Variants in THOC2 observed in about 807,000 individuals in gnomAD.
THOC2 encodes THO complex subunit 2.
THOC2 carries 10 observed loss-of-function variants against 128.4 expected under a neutral mutation model. The observed-to-expected ratio is 0.08, with a 90% confidence interval of 0.05 to 0.13. The LOEUF is 0.13. Among genes scored for constraint, THOC2 ranks in the 10% least tolerant of loss-of-function variants. THOC2 has a pLI of 1.00. For synonymous variants in THOC2, 393 were observed against 396.9 expected (o/e 0.99, Z 0.12); for missense variants, 535 against 1,155.7 (o/e 0.46, Z 7.79).
At chrX:123,673,649 T>C (rs1056103680) in intron 8 of THOC2, among the ~76,000 whole-genome samples, 1 of 111,933 alleles carries the variant, frequency 8.9e-6, no homozygotes, top group African/African-American at 3.2e-5. Context: ...CGGAATCATA[T>C]GGAATTCATG....
chrX:123,623,836 A>G lies in THOC2; in HGVS notation c.3454T>C (p.Cys1152Arg). ...GGCCTCTTCTCTTTTTCTTCTTGGCAGATTTTGTGTACTCTTCTTTCCAAA... is the reference window on the plus strand; with the variant it reads ...GGCCTCTTCTCTTTTTCTTCTTGGCGGATTTTGTGTACTCTTCTTTCCAAA... Reference protein sequence around the residue: ...QALERRVHKICQEEKEKRPDL... With the variant: ...QALERRVHKIRQEEKEKRPDL... The change falls in exon 28 of 39, where the codon TGC becomes CGC. Residue 1152 changes from cysteine to arginine, a missense_variant. By Grantham distance (180) the Cys-to-Arg change is radical. Transcript: ENST00000245838. 1 of 1,210,338 alleles carries G rather than the reference A, an allele frequency of 8.3e-7. No individual in the cohort carries two copies. The highest frequency in any genetic ancestry group is 1.1e-6 in the Non-Finnish European group (1 of 895,070).
At chrX:123,622,130 G>A (rs1458223112) in intron 30 of THOC2, among the ~76,000 whole-genome samples, 1 of 111,618 alleles carries the variant, frequency 9.0e-6, no homozygotes, top group Non-Finnish European at 1.9e-5. Flanking sequence ...CGGGCACGGT[G>A]GCTCACACCT....
At chrX:123,704,732 C>A (rs968779831) in intron 3 of THOC2, among the ~76,000 whole-genome samples, 1 of 111,226 alleles carries the variant, frequency 9.0e-6, no homozygotes, top group Non-Finnish European at 1.9e-5. Flanking sequence ...GTGGCATGCG[C>A]CTGTAATCCC....
intron 12 of THOC2, among the ~76,000 whole-genome samples, chrX:123,656,324 T>C (rs1256350082): frequency 1.7e-5 from 1 of 59,019 alleles, no homozygotes; most frequent in East Asian, 5.2e-4. Context: ...AGAGCGAGAC[T>C]CCGTCTAAAA....
At chrX:123,707,465 T>C (rs1467257700) in intron 2 of THOC2, among the ~76,000 whole-genome samples, 2 of 111,580 alleles carry the variant, frequency 1.8e-5, no homozygotes, top group East Asian at 5.6e-4. Flanking sequence ...GTGAGAGAAA[T>C]TTCTCCCCAA....
intron 8 of THOC2, among the ~76,000 whole-genome samples, chrX:123,675,391 A>T (rs1368817342): frequency 9.0e-6 from 1 of 111,543 alleles, no homozygotes; most frequent in Non-Finnish European, 1.9e-5. Flanking sequence ...CTGTAATCCC[A>T]GCACTCTGGG....
chrX:123,653,322 T>C (rs1164015534), intron 12 of THOC2, among the ~76,000 whole-genome samples: 1 of 111,759 alleles, frequency 8.9e-6, no homozygotes, highest in Non-Finnish European at 1.9e-5. Flanking sequence ...CGAAAAACCC[T>C]AGAAGAAAAT....
chrX:123,668,369 TA>T, intron 9 of THOC2, 55 bp from the exon 10 acceptor site: 1 of 836,768 alleles, frequency 1.2e-6, no homozygotes, highest in Non-Finnish European at 1.7e-6. Context: ...TACTTGTTCA[TA>T]TAAAAAGGAA....
rs770931064 is a variant in THOC2 at position 123,640,858 on chromosome X, C to T, written c.1662-236G>A. Among the ~76,000 whole-genome samples the T allele has an allele frequency of 2.7e-5, 3 of 111,910 alleles. No homozygotes were observed. The East Asian group carries it at 8.4e-4, about 31-fold the overall frequency. On this transcript the variant is annotated intron_variant, in intron 15 of 38. Transcript: ENST00000245838. ...TTAAATGCTTAACATTTATAAAATA[C>T]ACATTTCCACTTTATAGTAATAGTC...
chrX:123,674,976 C>T (rs981231876), intron 8 of THOC2, among the ~76,000 whole-genome samples: 30 of 111,117 alleles, frequency 2.7e-4, no homozygotes, highest in African/African-American at 9.2e-4. Flanking sequence ...GCACATGTAC[C>T]CCGAGTCTAA....
intron 22 of THOC2, among the ~76,000 whole-genome samples, chrX:123,629,641 C>A (rs1182923129): frequency 9.0e-6 from 1 of 111,162 alleles, no homozygotes; most frequent in African/African-American, 3.3e-5. Context: ...TGCTGACAAC[C>A]ACTGAGACCA....
intron 12 of THOC2, among the ~76,000 whole-genome samples, chrX:123,658,626 C>A (rs1001608120): frequency 5.3e-5 from 6 of 112,651 alleles, no homozygotes; most frequent in African/African-American, 1.6e-4. Context: ...CTGATTCCAA[C>A]TATATGCCTT....
At chrX:123,674,972 G>T (rs969515630) in intron 8 of THOC2, among the ~76,000 whole-genome samples, 2 of 111,347 alleles carry the variant, frequency 1.8e-5, no homozygotes, top group Non-Finnish European at 3.8e-5. Context: ...ACCTGCACAT[G>T]TACCCCGAGT....
chrX:123,615,420 T>C (rs766818297), intron 33 of THOC2, among the ~76,000 whole-genome samples: 28 of 111,078 alleles, frequency 2.5e-4, no homozygotes, highest in Non-Finnish European at 4.8e-4. Flanking sequence ...TAAACTGAAA[T>C]AGACAAAATG....
intron 8 of THOC2, among the ~76,000 whole-genome samples, chrX:123,672,964 T>C (rs1463434674): frequency 8.9e-6 from 1 of 112,670 alleles, no homozygotes; most frequent in African/African-American, 3.2e-5. Context: ...CTAATGTGCA[T>C]CATTTATAGA....
chrX:123,709,740 ATAGC>A lies in THOC2; in HGVS notation c.131-2795_131-2792del, dbSNP rs146590115. On this transcript the variant is annotated intron_variant, in intron 2 of 38. Transcript: ENST00000245838. ...ACAATAATGTACTGTTTATTTTCAAATAGCTAGAAGGAATTTTTAATTTTCCCAA... is the reference window on the plus strand; with the variant it reads ...ACAATAATGTACTGTTTATTTTCAAATAGAAGGAATTTTTAATTTTCCCAA... Among the ~76,000 whole-genome samples, 635 of 112,153 alleles carry A rather than the reference ATAGC, an allele frequency of 5.7e-3. 4 individuals are homozygous for A. Among genetic ancestry groups the A allele is most frequent in the Middle Eastern group, 0.023 (5 of 217 alleles).
At chrX:123,612,158 A>G (rs1295130592) in intron 36 of THOC2, among the ~76,000 whole-genome samples, 2 of 111,618 alleles carry the variant, frequency 1.8e-5, no homozygotes, top group Admixed American at 1.9e-4. Flanking sequence ...ATAACCCAGA[A>G]ATTCCATTCT....
In THOC2 at chrX:123,607,057, T is replaced by TAA. The variant is rs1180833045; in HGVS notation, c.*18+3859_*18+3860dup. ...AGAGGACAATTTTATAAGCAGGAAT[T>TAA]AAAAAAAAAAAAGTTAAAGTAGGAA... On this transcript the variant is annotated intron_variant, in intron 38 of 38. Transcript: ENST00000245838. 1.8e-3 allele frequency among the ~76,000 whole-genome samples: 186 copies of TAA among 100,632 alleles called. 1 individual carries two copies. The highest frequency in any genetic ancestry group is 6.5e-3 in the African/African-American group (181 of 27,725). 87.4% of individuals were successfully genotyped at this position (100,632 alleles called of 115,157 possible). A position where few individuals can be genotyped will look rare whatever the true frequency, so the allele number is the denominator to read the frequency against.
rs757886087 is a variant in THOC2, at chrX:123,665,737, C to T, written c.1291G>A (p.Val431Met). ...AESFEDLRRD[V>M]FNMFCYLGPH... ...CCAAGGTAACAGAACATATTGAACACGTCTCTCCTCAAATCTTCAAAGCTC... is the reference window on the plus strand; with the variant it reads ...CCAAGGTAACAGAACATATTGAACATGTCTCTCCTCAAATCTTCAAAGCTC... The change falls in exon 12 of 39, where the codon GTG becomes ATG. Residue 431 changes from valine (V) to methionine (M), a missense_variant. Physicochemically the swap from Val to Met is conservative, Grantham distance 21. Coordinates refer to ENST00000245838, the MANE Select transcript of THOC2 (RefSeq NM_001081550.2). The T allele has an allele frequency of 1.7e-5, 21 of 1,201,802 alleles. No individual in the cohort carries two copies. Among genetic ancestry groups the T allele is most frequent in the African/African-American group, 5.3e-5 (3 of 57,053 alleles).
Sources: allele counts gnomAD v4.1 joint callset (sites outside exome capture counted in the v4.1 genomes callset), GRCh38; gene constraint gnomAD v4.1.1; transcripts MANE v1.5; gene names NCBI Gene and HGNC (gene_info 2026-07-23, HGNC 2026-07-21).